Variants in KCNMA1 observed in about 807,000 individuals in gnomAD.
KCNMA1 encodes Calcium-activated potassium channel subunit alpha-1.
In KCNMA1, 29 loss-of-function variants were observed where a neutral mutation model predicts 140.0. The observed-to-expected ratio is 0.21, with a 90% CI of 0.15 to 0.28. The LOEUF is 0.28. Among genes scored for constraint, KCNMA1 ranks in the 10% least tolerant of loss-of-function variants. The pLI, the probability that KCNMA1 is intolerant of heterozygous loss-of-function variation, is 1.00. For synonymous variants in KCNMA1, 612 were observed against 611.9 expected (o/e 1.00, Z 0.00); for missense variants, 880 against 1,602.2 (o/e 0.55, Z 7.70).
At chr10:76,873,523 G>A (rs976973284), downstream of KCNMA1, 1 of 152,194 alleles carries the variant, frequency 6.6e-6, no homozygotes, top group Non-Finnish European at 1.5e-5. Flanking sequence ...TTTTTAAAGA[G>A]GGTGAGTCAA....
intron 2 of KCNMA1, among the ~76,000 whole-genome samples, chr10:77,399,518 G>A (rs1265247500): frequency 6.6e-6 from 1 of 152,186 alleles, no homozygotes. Context: ...CCTCAGCCAC[G>A]TGCTCCAAGA....
chr10:76,948,286 A>T (rs369257312), intron 22 of KCNMA1, among the ~76,000 whole-genome samples: 1 of 152,178 alleles, frequency 6.6e-6, no homozygotes, highest in Admixed American at 6.5e-5. Context: ...GATTACAGGG[A>T]TTAGCCACTG....
intron 1 of KCNMA1, among the ~76,000 whole-genome samples, chr10:77,500,619 G>C (rs1278911237): frequency 6.6e-6 from 1 of 152,178 alleles, no homozygotes; most frequent in Non-Finnish European, 1.5e-5. Flanking sequence ...TCCAAAGTGA[G>C]TATCTAAAAG....
At chr10:77,360,197 C>G (rs2093829001) in intron 2 of KCNMA1, among the ~76,000 whole-genome samples, 1 of 152,172 alleles carries the variant, frequency 6.6e-6, no homozygotes, top group Non-Finnish European at 1.5e-5. Context: ...ATATATAAAG[C>G]AATAGGTACA....
chr10:77,320,422 T>TGGC (rs1252801297), intron 2 of KCNMA1, among the ~76,000 whole-genome samples: 2 of 152,122 alleles, frequency 1.3e-5, no homozygotes, highest in Non-Finnish European at 1.5e-5. Flanking sequence ...AATTGGAATG[T>TGGC]GGCTCTGGGT....
chr10:77,386,675 T>C (rs777666458), intron 2 of KCNMA1, among the ~76,000 whole-genome samples: 4 of 152,212 alleles, frequency 2.6e-5, no homozygotes, highest in Non-Finnish European at 4.4e-5. Flanking sequence ...AGCCTTGAAA[T>C]CCCATTTTCA....
intron 1 of KCNMA1, among the ~76,000 whole-genome samples, chr10:77,490,680 C>T (rs761941503): frequency 3.3e-5 from 5 of 152,188 alleles, no homozygotes; most frequent in Non-Finnish European, 7.3e-5. Flanking sequence ...GGCAGTTTGC[C>T]TAAAGTCACA....
chr10:77,444,507 C>T (rs1006327136), intron 1 of KCNMA1, among the ~76,000 whole-genome samples: 4 of 152,200 alleles, frequency 2.6e-5, no homozygotes, highest in African/African-American at 9.7e-5. Flanking sequence ...TGAAACGACA[C>T]CTGTTAGCTC....
chr10:77,394,104 C>T (rs2095945773), intron 2 of KCNMA1, among the ~76,000 whole-genome samples: 1 of 152,216 alleles, frequency 6.6e-6, no homozygotes, highest in African/African-American at 2.4e-5. Context: ...CCCACATGCA[C>T]CTGGAAACTT....
intron 3 of KCNMA1, among the ~76,000 whole-genome samples, chr10:77,208,050 G>A (rs923785127): frequency 4.6e-5 from 7 of 152,160 alleles, no homozygotes; most frequent in Admixed American, 2.6e-4. Context: ...GCTTGATATC[G>A]CCACATCTTC....
In KCNMA1 at chr10:76,914,923, C is replaced by T. The variant is rs200435538; in HGVS notation, c.3016+13G>A. 2.7e-5 allele frequency: 43 copies of T among 1,572,026 alleles called. No individual in the cohort carries two copies. Among genetic ancestry groups the T allele is most frequent in the Non-Finnish European group, 3.4e-5 (39 of 1,142,000 alleles). ...GAACAAAAACTCCCCCCAAAGCTGA[C>T]ATTGACCCCTACCTAGTTCAGTGAT... On this transcript the variant is annotated intron_variant, in intron 24 of 27. Transcript: ENST00000286628.
Position 76,887,464 on chromosome 10 carries a change from C to T in KCNMA1, c.3513G>A (p.Leu1171=), listed in dbSNP as rs766124584. Reference sequence around the variant, plus strand: ...GGTCAAACTGCATTAAGCAGAAGATCAGGTCCGTCGGCACGAGCTCAAACT... The same window carrying T: ...GGTCAAACTGCATTAAGCAGAAGATTAGGTCCGTCGGCACGAGCTCAAACT... ...PYEFELVPTD[L]IFCLMQFDHN... is the part of the protein sequence containing the mutation. Residue 1171 remains leucine (L), a synonymous_variant, in exon 28 of 28, where the codon CTG becomes CTA. Transcript: ENST00000286628. 1 of 1,614,138 alleles carries T rather than the reference C, an allele frequency of 6.2e-7. No individual in the cohort carries two copies. The highest frequency in any genetic ancestry group is 8.5e-7 in the Non-Finnish European group (1 of 1,180,018).
chr10:77,470,630 G>A (rs913199197), intron 1 of KCNMA1, among the ~76,000 whole-genome samples: 1 of 152,210 alleles, frequency 6.6e-6, no homozygotes, highest in Non-Finnish European at 1.5e-5. Flanking sequence ...AGACAGAAGA[G>A]CAGAAAGAAG....
intron 2 of KCNMA1, among the ~76,000 whole-genome samples, chr10:77,387,588 TTTTC>T (rs1296822045): frequency 7.5e-6 from 1 of 132,836 alleles, no homozygotes; most frequent in East Asian, 2.0e-4. Context: ...TTCTTTTCTC[TTTTC>T]TTTTCTTTTC....
intron 1 of KCNMA1, among the ~76,000 whole-genome samples, chr10:77,442,986 G>A (rs2097441494): frequency 6.6e-6 from 1 of 152,220 alleles, no homozygotes; most frequent in African/African-American, 2.4e-5. Context: ...AGGTGTGGGG[G>A]AGAGCCCTCC....
At chr10:77,130,558 T>C (rs2097840169) in intron 5 of KCNMA1, among the ~76,000 whole-genome samples, 1 of 152,194 alleles carries the variant, frequency 6.6e-6, no homozygotes, top group Non-Finnish European at 1.5e-5. Context: ...CAACATAAAT[T>C]ATTCATCAAT....
chr10:77,380,834 C>T (rs1442742856), intron 2 of KCNMA1, among the ~76,000 whole-genome samples: 2 of 152,176 alleles, frequency 1.3e-5, no homozygotes, highest in Non-Finnish European at 2.9e-5. Context: ...CCCAAGCATC[C>T]AGCGTGTCTG....
At chr10:77,399,964 C>A (rs2096206899) in intron 2 of KCNMA1, among the ~76,000 whole-genome samples, 2 of 152,202 alleles carry the variant, frequency 1.3e-5, no homozygotes. Flanking sequence ...ACACCTGTGA[C>A]AATTAGACAG....
At chr10:76,956,852 G>A (rs1323034791) in intron 20 of KCNMA1, among the ~76,000 whole-genome samples, 1 of 152,148 alleles carries the variant, frequency 6.6e-6, no homozygotes. Flanking sequence ...GCCGGGCGTG[G>A]TGGCTCAGGC....
Sources: allele counts gnomAD v4.1 joint callset (sites outside exome capture counted in the v4.1 genomes callset), GRCh38; gene constraint gnomAD v4.1.1; transcripts MANE v1.5; gene names NCBI Gene and HGNC (gene_info 2026-07-23, HGNC 2026-07-21).